Variants in POU2F3 observed in about 807,000 individuals in gnomAD.
POU2F3 encodes the protein POU class 2 homeobox 3, also known as POU domain, class 2, transcription factor 3.
Under a neutral mutation model 59.2 loss-of-function variants are expected in POU2F3, and 23 were observed. The ratio of observed to expected loss-of-function variants is 0.39; its 90% CI spans 0.28 to 0.55. The LOEUF (loss-of-function observed/expected upper bound fraction) is 0.55. POU2F3 is among the 20% of genes least tolerant of loss of function. POU2F3 has a pLI of 0.66. For synonymous variants in POU2F3, 190 were observed against 214.6 expected, an observed-to-expected ratio of 0.89 and a Z score of 1.00; for missense variants, 473 against 544.5, an observed-to-expected ratio of 0.87 and a Z score of 1.31.
At chr11:120,255,225 C>T (rs910179688) in intron 2 of POU2F3, among the ~76,000 whole-genome samples, 2 of 152,098 alleles carry the variant, frequency 1.3e-5, no homozygotes, top group Non-Finnish European at 2.9e-5. Context: ...CAGGTTTGTA[C>T]GAGAGGTGTG....
intron 4 of POU2F3, 86 bp from the exon 5 acceptor site, chr11:120,299,538 C>A: frequency 1.6e-6 from 2 of 1,224,440 alleles, no homozygotes; most frequent in Non-Finnish European, 1.2e-6. Flanking sequence ...GTCTGGAGAC[C>A]CCTGGGACGG....
chr11:120,313,153 G>A (rs1941693635), intron 10 of POU2F3, among the ~76,000 whole-genome samples: 1 of 152,164 alleles, frequency 6.6e-6, no homozygotes, highest in African/African-American at 2.4e-5. Context: ...TTAAAGATTG[G>A]GCTTTGTTTA....
At chr11:120,274,445 G>A (rs551380345) in intron 3 of POU2F3, among the ~76,000 whole-genome samples, 1 of 152,306 alleles carries the variant, frequency 6.6e-6, no homozygotes, top group East Asian at 1.9e-4. Flanking sequence ...TCTGAGATAA[G>A]ATCAGGAAGA....
At chr11:120,295,640 T>C (rs1338699419) in intron 3 of POU2F3, among the ~76,000 whole-genome samples, 2 of 152,334 alleles carry the variant, frequency 1.3e-5, no homozygotes, top group East Asian at 1.9e-4. Flanking sequence ...TTTCCTGGAA[T>C]CTAAGGATAT....
chr11:120,240,079 G>C (rs960600015), upstream of POU2F3: 8 of 1,119,218 alleles, frequency 7.1e-6, no homozygotes, highest in Non-Finnish European at 8.7e-6. Context: ...GGCCAGGCGC[G>C]GGGCTCCTGC....
In POU2F3 at chr11:120,319,007, C is replaced by T. The variant is rs1260636521; in HGVS notation, c.*615C>T. 6.6e-6 allele frequency: 1 copy of T among 152,372 alleles called. No individual in the cohort carries two copies. The highest frequency in any genetic ancestry group is 1.5e-5 in the Non-Finnish European group (1 of 68,170). The allele number at this position is 152,372 out of a possible 1,614,324, so 9.4% of individuals were successfully genotyped here. A position where few individuals can be genotyped will look rare whatever the true frequency, so the allele number is the denominator to read the frequency against. ...ATTCATTATTGCGCCCTCCAGGTCC[C>T]CTCCTTTTTGCAGAAGGTGTAAAAG... On this transcript the variant is annotated 3_prime_UTR_variant, in exon 13 of 13. Transcript: ENST00000543440.
intron 9 of POU2F3, among the ~76,000 whole-genome samples, chr11:120,308,654 C>A (rs1467857372): frequency 6.6e-6 from 1 of 151,906 alleles, no homozygotes; most frequent in Non-Finnish European, 1.5e-5. Context: ...AATGACAAGG[C>A]AGGCCAGGCA....
chr11:120,257,807 A>G (rs1175528346), intron 2 of POU2F3, among the ~76,000 whole-genome samples: 4 of 152,200 alleles, frequency 2.6e-5, no homozygotes. Flanking sequence ...GTGTGCTGCA[A>G]AACGAAGGAA....
rs1938604088 is a variant in POU2F3 at position 120,240,280 on chromosome 11, G to C, written c.-64G>C. ...GGAAGGAGACCCTGGCTTCGCAGGG[G>C]CCCCGGCTGGGGCAGAGGCGAGGGG... On this transcript the variant is annotated 5_prime_UTR_variant, in exon 1 of 13. Coordinates refer to ENST00000543440, the MANE Select transcript of POU2F3 (RefSeq NM_014352.4). 31 of 1,276,206 alleles carry C rather than the reference G, an allele frequency of 2.4e-5. No homozygotes were observed. Among genetic ancestry groups the C allele is most frequent in the Admixed American group, 4.1e-5 (1 of 24,656 alleles). The allele number at this position is 1,276,206 out of a possible 1,614,324, so 79.1% of individuals were successfully genotyped here.
In POU2F3 at chr11:120,299,737, TG is replaced by T; in HGVS notation, c.361+16del. The T allele has an allele frequency of 1.2e-6, 2 of 1,605,726 alleles. No homozygotes were observed. On this transcript the variant is annotated intron_variant, in intron 5 of 12. Transcript: ENST00000543440. ...AGCCTGGGCAGCAAGGTAAGAACCC[TG>T]GGGGTTTCCACCTAGACCAAGTCCA...
At chr11:120,266,708 G>A (rs1939839555) in intron 2 of POU2F3, among the ~76,000 whole-genome samples, 1 of 152,092 alleles carries the variant, frequency 6.6e-6, no homozygotes, top group Non-Finnish European at 1.5e-5. Context: ...GCCCTTCCAG[G>A]TCATCCTGTT....
chr11:120,240,547 A>G (rs891616021), intron 1 of POU2F3, among the ~76,000 whole-genome samples, 176 bp downstream of exon 1: 7 of 118,672 alleles, frequency 5.9e-5, no homozygotes, highest in East Asian at 2.7e-4. Context: ...GACTAAAGGG[A>G]GGGGATCTGG....
At chr11:120,262,978 T>A (rs1437266439) in intron 2 of POU2F3, among the ~76,000 whole-genome samples, 2,300 of 107,144 alleles carry the variant, frequency 0.021, 60 homozygotes, top group African/African-American at 0.098. Context: ...TTTATTTATT[T>A]ATTTATTTAT....
At chr11:120,302,410 A>C in intron 6 of POU2F3, 42 bp downstream of exon 6, 14 of 1,532,118 alleles carry the variant, frequency 9.1e-6, no homozygotes, top group Non-Finnish European at 1.1e-5. Flanking sequence ...GGAATGTCTC[A>C]GCTCTCACTG....
chr11:120,236,707 G>A (rs1200050878), upstream of POU2F3: 15 of 1,490,344 alleles, frequency 1.0e-5, no homozygotes, highest in Admixed American at 5.9e-5. Context: ...AGGAGGAAGG[G>A]GTAAAGGAGT....
upstream of POU2F3, chr11:120,236,671 T>C: frequency 1.3e-6 from 2 of 1,501,882 alleles, no homozygotes; most frequent in Non-Finnish European, 1.8e-6. Context: ...AAAAACCGGT[T>C]TCATGGAGTC....
Position 120,240,241 on chromosome 11 carries a change from G to A in POU2F3, c.-103G>A. ...CGGCAGCGGCTCCCGCGGCGGCGGC[G>A]GCCGGGAACTGGAGGAAGGAGACCC... On this transcript the variant is annotated 5_prime_UTR_variant, in exon 1 of 13. Transcript: ENST00000543440. The A allele has an allele frequency of 8.0e-7, 1 of 1,250,152 alleles. No homozygotes were observed. Among genetic ancestry groups the A allele is most frequent in the Admixed American group, 4.2e-5 (1 of 23,652 alleles). The allele number at this position is 1,250,152 out of a possible 1,614,324, so 77.4% of individuals were successfully genotyped here.
At chr11:120,290,866 G>A (rs747731243) in intron 3 of POU2F3, among the ~76,000 whole-genome samples, 20 of 152,244 alleles carry the variant, frequency 1.3e-4, no homozygotes, top group Non-Finnish European at 2.5e-4. Flanking sequence ...CAGGGCATGT[G>A]CACTTCCTTT....
chr11:120,271,727 T>C (rs535063255), intron 3 of POU2F3, among the ~76,000 whole-genome samples: 1 of 152,224 alleles, frequency 6.6e-6, no homozygotes, highest in African/African-American at 2.4e-5. Context: ...CCTTGGAACA[T>C]CTTTGTAGTA....
Sources: allele counts gnomAD v4.1 joint callset (sites outside exome capture counted in the v4.1 genomes callset), GRCh38; gene constraint gnomAD v4.1.1; transcripts MANE v1.5; gene names NCBI Gene and HGNC (gene_info 2026-07-23, HGNC 2026-07-21).